The following NUP155 variants were observed in gnomAD, a reference collection of about 807,000 sequenced individuals.
NUP155 encodes nucleoporin 155.
A neutral mutation model predicts 180.4 loss-of-function variants in NUP155; 71 were observed. The observed-to-expected ratio is 0.39, with a 90% CI of 0.33 to 0.48. The LOEUF (loss-of-function observed/expected upper bound fraction) is 0.48. Among genes scored for constraint, NUP155 ranks in the 20% least tolerant of loss-of-function variants. NUP155 has a pLI of 0.91. For synonymous variants in NUP155, 582 were observed against 559.5 expected, an observed-to-expected ratio of 1.04 and a Z score of -0.57; for missense variants, 1,553 against 1,648.9, an observed-to-expected ratio of 0.94 and a Z score of 1.01.
intron 22 of NUP155, among the ~76,000 whole-genome samples, chr5:37,312,655 C>T (rs1581146211): frequency 6.6e-6 from 1 of 152,110 alleles, no homozygotes; most frequent in Non-Finnish European, 1.5e-5. Flanking sequence ...CGGTGAAACC[C>T]CATCTCCACA....
chr5:37,353,820 T>C lies in NUP155; in HGVS notation c.464-991A>G, dbSNP rs1033165848. On this transcript the variant is annotated intron_variant, in intron 4 of 34. Transcript: ENST00000231498. ...GGAACAGGAGTTTTTAGTTAATAGG[T>C]ACAGTTTCCATTTTACAAAATACAG... Among the ~76,000 whole-genome samples the C allele has an allele frequency of 2.6e-5, 4 of 152,108 alleles. No homozygotes were observed. The East Asian group carries it at 7.7e-4, about 29-fold the overall frequency.
At chr5:37,293,327 T>G (rs892549682) in intron 33 of NUP155, among the ~76,000 whole-genome samples, 1 of 152,252 alleles carries the variant, frequency 6.6e-6, no homozygotes, top group Non-Finnish European at 1.5e-5. Context: ...CCTATGCAGA[T>G]TTAGTCTGAC....
chr5:37,332,327 T>C (rs1361026796), intron 13 of NUP155, among the ~76,000 whole-genome samples: 1 of 138,752 alleles, frequency 7.2e-6, no homozygotes, highest in African/African-American at 2.7e-5. Flanking sequence ...TTTTTTTTTT[T>C]TTTTTTTTTT....
At chr5:37,309,849 C>T (rs1454119813) in intron 23 of NUP155, among the ~76,000 whole-genome samples, 1 of 151,372 alleles carries the variant, frequency 6.6e-6, no homozygotes, top group Non-Finnish European at 1.5e-5. Context: ...GAGTTCAAAA[C>T]CAGCCTAGAC....
chr5:37,301,255 C>CT (rs1181297025), intron 30 of NUP155, 182 bp downstream of exon 30: 1 of 558,328 alleles, frequency 1.8e-6, no homozygotes, highest in Non-Finnish European at 3.2e-6. Flanking sequence ...GTAGCTTAGC[C>CT]TTTTTCTAGG....
intron 22 of NUP155, among the ~76,000 whole-genome samples, chr5:37,312,647 G>A (rs1415611347): frequency 3.3e-5 from 5 of 152,102 alleles, no homozygotes; most frequent in Non-Finnish European, 7.3e-5. Context: ...AGGAGATACG[G>A]TGAAACCCCA....
chr5:37,351,747 C>A (rs969617624), intron 5 of NUP155, among the ~76,000 whole-genome samples: 1 of 152,062 alleles, frequency 6.6e-6, no homozygotes, highest in Non-Finnish European at 1.5e-5. Context: ...CCATACCCAG[C>A]CTTACTCAAT....
chr5:37,307,950 AAAAT>A (rs1300412909), intron 24 of NUP155, among the ~76,000 whole-genome samples: 1,607 of 85,060 alleles, frequency 0.019, 26 homozygotes, highest in African/African-American at 0.041. Flanking sequence ...AGGAAAAAAA[AAAAT>A]ATATATATAT....
rs546083257 is a variant in NUP155 at position 37,338,008 on chromosome 5, T to C, written c.1247-90A>G. ...AATTATTAGGTTAGTGCAAAAGCAATTGCGGTTTTGCAATTAAAATTATAA... is the reference window on the plus strand; with the variant it reads ...AATTATTAGGTTAGTGCAAAAGCAACTGCGGTTTTGCAATTAAAATTATAA... On this transcript the variant is annotated intron_variant, in intron 11 of 34. Transcript: ENST00000231498. The C allele has an allele frequency of 8.9e-5, 74 of 831,610 alleles. No homozygotes were observed. In the East Asian group the frequency reaches 1.6e-3, roughly 18 times the overall value. The allele number at this position is 831,610 out of a possible 1,614,324, so 51.5% of individuals were successfully genotyped here.
At position 37,288,752 on chromosome 5, in the gene NUP155, A is replaced by T. The variant is rs1432564739; in HGVS notation, c.*3148T>A. ...CTTTTGGCTACACAAAAAATTAAAA[A>T]AAAAAAAAAAAAAAAAGTAGGGGGG... On this transcript the variant is annotated 3_prime_UTR_variant, in exon 35 of 35. Coordinates refer to ENST00000231498, the MANE Select transcript of NUP155 (RefSeq NM_153485.3). The T allele has an allele frequency of 3.6e-5, 3 of 82,992 alleles. No homozygotes were observed. Among genetic ancestry groups the T allele is most frequent in the Non-Finnish European group, 8.0e-5 (3 of 37,622 alleles). 5.1% of individuals were successfully genotyped at this position (82,992 alleles called of 1,614,324 possible).
rs912325334 is a variant in NUP155 at position 37,290,541 on chromosome 5, C to T, written c.*1359G>A. 1 of 150,958 alleles carries T rather than the reference C, an allele frequency of 6.6e-6. No homozygotes were observed. Among genetic ancestry groups the T allele is most frequent in the South Asian group, 2.1e-4 (1 of 4,798 alleles). 9.4% of individuals were successfully genotyped at this position (150,958 alleles called of 1,614,324 possible). A position where few individuals can be genotyped will look rare whatever the true frequency, so the allele number is the denominator to read the frequency against. The stretch of plus-strand genomic sequence containing the variant: ...GTTAGCTCTGGTCATTCCCACTCTT[C>T]TTCTCTCTTGTTGCTATTACTTTGA... On this transcript the variant is annotated 3_prime_UTR_variant, in exon 35 of 35. Coordinates refer to ENST00000231498, the MANE Select transcript of NUP155 (RefSeq NM_153485.3).
intron 4 of NUP155, among the ~76,000 whole-genome samples, chr5:37,356,984 G>A (rs1212811616): frequency 2.0e-5 from 3 of 151,920 alleles, no homozygotes; most frequent in Non-Finnish European, 2.9e-5. Context: ...GCACATGCCT[G>A]TAATCCCAGC....
intron 24 of NUP155, among the ~76,000 whole-genome samples, chr5:37,308,795 G>A (rs941727040): frequency 1.1e-4 from 16 of 149,490 alleles, no homozygotes; most frequent in Middle Eastern, 3.4e-3. Flanking sequence ...CAGGAGAATT[G>A]CTGGAACCTG....
chr5:37,362,219 T>C (rs1747268779), intron 3 of NUP155, among the ~76,000 whole-genome samples: 1 of 152,174 alleles, frequency 6.6e-6, no homozygotes, highest in Non-Finnish European at 1.5e-5. Context: ...CAGTGTCAGA[T>C]ACATAAGATC....
chr5:37,363,193 T>C (rs1175643350), intron 3 of NUP155, among the ~76,000 whole-genome samples: 1 of 152,178 alleles, frequency 6.6e-6, no homozygotes, highest in Non-Finnish European at 1.5e-5. Flanking sequence ...ATTATAGGCG[T>C]TTGAGTCAGC....
chr5:37,289,544 A>G lies in NUP155; in HGVS notation c.*2356T>C, dbSNP rs574327906. The G allele has an allele frequency of 1.2e-4, 18 of 152,262 alleles. No individual in the cohort carries two copies. Among genetic ancestry groups the G allele is most frequent in the African/African-American group, 4.3e-4 (18 of 41,558 alleles). The allele number at this position is 152,262 out of a possible 1,614,324, so 9.4% of individuals were successfully genotyped here. On this transcript the variant is annotated 3_prime_UTR_variant, in exon 35 of 35. Coordinates refer to ENST00000231498, the MANE Select transcript of NUP155 (RefSeq NM_153485.3). ...GGGACCTAATTTCTTCTCTCTTAGG[A>G]ATCTTACCCCCCAAAAGGTATTGCA... is the stretch of plus-strand genomic sequence containing the variant.
Position 37,314,016 on chromosome 5 carries a change from C to T in NUP155, c.2436+182G>A, listed in dbSNP as rs192608625. ...TCACATACCCACAAGTAAAAACTTG[C>T]GGCTTTGAAAAAATAGGTCCCCCAA... is the stretch of plus-strand genomic sequence containing the variant. On this transcript the variant is annotated intron_variant, in intron 22 of 34. Coordinates refer to ENST00000231498, the MANE Select transcript of NUP155 (RefSeq NM_153485.3). 5.3e-4 allele frequency among the ~76,000 whole-genome samples: 81 copies of T among 152,152 alleles called. 1 individual carries two copies. The highest frequency in any genetic ancestry group is 1.8e-3 in the African/African-American group (75 of 41,532).
chr5:37,306,456 T>TA (rs1743160919), intron 25 of NUP155, among the ~76,000 whole-genome samples: 1 of 152,094 alleles, frequency 6.6e-6, no homozygotes, highest in South Asian at 2.1e-4. Flanking sequence ...ATATATGTTA[T>TA]AGAAAGGTTA....
chr5:37,297,615 A>G (rs1174450587), intron 32 of NUP155, among the ~76,000 whole-genome samples: 1 of 151,982 alleles, frequency 6.6e-6, no homozygotes, highest in Non-Finnish European at 1.5e-5. Flanking sequence ...CCTGGGCTCA[A>G]GCGATCCATC....
Sources: allele counts gnomAD v4.1 joint callset (sites outside exome capture counted in the v4.1 genomes callset), GRCh38; gene constraint gnomAD v4.1.1; transcripts MANE v1.5; gene names NCBI Gene and HGNC (gene_info 2026-07-23, HGNC 2026-07-21).